Variants in DCUN1D4 observed in about 807,000 individuals in gnomAD.
The protein encoded by DCUN1D4 is DCN1-like protein 4.
In DCUN1D4, 22 loss-of-function variants were observed where a neutral mutation model predicts 47.9. The ratio of observed to expected loss-of-function variants is 0.46; its 90% CI spans 0.33 to 0.66. DCUN1D4 has a LOEUF of 0.66. Among genes scored for constraint, DCUN1D4 ranks in the 30% least tolerant of loss-of-function variants. The probability of loss-of-function intolerance (pLI) is 0.02; values close to 1 mark genes in which losing one functional copy is unlikely to be tolerated. For missense variants in DCUN1D4, 301 were observed against 340.8 expected, an observed-to-expected ratio of 0.88 and a Z score of 0.92; for synonymous variants, 121 against 112.2, an observed-to-expected ratio of 1.08 and a Z score of -0.50.
intron 3 of DCUN1D4, among the ~76,000 whole-genome samples, chr4:51,869,114 A>G (rs1726434793): frequency 8.6e-6 from 1 of 116,142 alleles, no homozygotes; most frequent in Non-Finnish European, 1.6e-5. Context: ...ACAGAGGGAG[A>G]CTCCATCTCA....
chr4:51,893,028 C>G (rs1262305383), intron 7 of DCUN1D4, among the ~76,000 whole-genome samples: 1 of 152,170 alleles, frequency 6.6e-6, no homozygotes, highest in African/African-American at 2.4e-5. Flanking sequence ...CACTATTCTC[C>G]CATTTGAATG....
chr4:51,844,407 C>G, intron 1 of DCUN1D4: 1 of 983,422 alleles, frequency 1.0e-6, no homozygotes. Flanking sequence ...GAGGTCAGCG[C>G]TGGCGCGGGC....
chr4:51,845,391 C>CT (rs1722377530), intron 1 of DCUN1D4: 6 of 596,558 alleles, frequency 1.0e-5, no homozygotes, highest in Non-Finnish European at 1.1e-5. Context: ...TAATATGTGA[C>CT]GTCTTCAATT....
intron 7 of DCUN1D4, among the ~76,000 whole-genome samples, chr4:51,894,877 T>C (rs1730992606): frequency 6.6e-6 from 1 of 152,186 alleles, no homozygotes; most frequent in Non-Finnish European, 1.5e-5. Context: ...GGGTGGCTTA[T>C]AAATAAAATT....
At chr4:51,905,352 C>G (rs1732719329) in intron 8 of DCUN1D4, 2 of 303,242 alleles carry the variant, frequency 6.6e-6, no homozygotes, top group East Asian at 8.2e-5. Context: ...ACATTGCTTT[C>G]CCTCCACAAA....
intron 1 of DCUN1D4, among the ~76,000 whole-genome samples, chr4:51,849,719 T>A (rs1473579386): frequency 6.6e-6 from 1 of 152,098 alleles, no homozygotes. Flanking sequence ...CACTCTTTAC[T>A]GCTGCTTTTT....
At chr4:51,859,623 G>C (rs1724705284) in intron 1 of DCUN1D4, among the ~76,000 whole-genome samples, 1 of 81,910 alleles carries the variant, frequency 1.2e-5, no homozygotes, top group African/African-American at 5.6e-5. Context: ...CACAGCAAAT[G>C]GTAGTTAAAA....
At chr4:51,841,414 C>G (rs1319971168), upstream of DCUN1D4, among the ~76,000 whole-genome samples, 3 of 152,110 alleles carry the variant, frequency 2.0e-5, no homozygotes, top group African/African-American at 4.8e-5. Context: ...TAGATCTGCC[C>G]AACAAGCAAT....
intron 7 of DCUN1D4, among the ~76,000 whole-genome samples, chr4:51,893,572 A>G (rs2110073666): frequency 6.6e-6 from 1 of 152,236 alleles, no homozygotes; most frequent in South Asian, 2.1e-4. Context: ...GATTACAAGC[A>G]GACACCGCCA....
Position 51,914,691 on chromosome 4 carries a change from A to C in DCUN1D4, c.*1107A>C, listed in dbSNP as rs1734151252. 1 of 152,504 alleles carries C rather than the reference A, an allele frequency of 6.6e-6. No homozygotes were observed. The highest frequency in any genetic ancestry group is 1.5e-5 in the Non-Finnish European group (1 of 68,016). The allele number at this position is 152,504 out of a possible 1,614,324, so 9.4% of individuals were successfully genotyped here. A position where few individuals can be genotyped will look rare whatever the true frequency, so the allele number is the denominator to read the frequency against. On this transcript the variant is annotated 3_prime_UTR_variant, in exon 11 of 11. Coordinates refer to ENST00000334635, the MANE Select transcript of DCUN1D4 (RefSeq NM_001040402.3). The stretch of plus-strand genomic sequence containing the variant: ...CACCAGCATTGAGCTAACCCAGTAC[A>C]TGCTAGGACCTGTCCTAGAGGGGCC...
At chr4:51,902,381 A>G (rs868190739) in intron 8 of DCUN1D4, among the ~76,000 whole-genome samples, 5 of 152,308 alleles carry the variant, frequency 3.3e-5, no homozygotes, top group Middle Eastern at 6.8e-3. Flanking sequence ...CTCCACCTGT[A>G]TGTCTTCTGT....
Position 51,877,747 on chromosome 4 carries a change from C to A in DCUN1D4, c.252-16C>A. ...AGTATCTTTAAATAACTTAAAACTGCCTTTTCAATTTCCAGCATGTATAGA... is the reference window on the plus strand; with the variant it reads ...AGTATCTTTAAATAACTTAAAACTGACTTTTCAATTTCCAGCATGTATAGA... On this transcript the variant is annotated splice_polypyrimidine_tract_variant and intron_variant, in intron 4 of 10. Transcript: ENST00000334635. 3 of 1,551,466 alleles carry A rather than the reference C, an allele frequency of 1.9e-6. No homozygotes were observed. The highest frequency in any genetic ancestry group is 1.4e-5 in the African/African-American group (1 of 73,006).
chr4:51,905,021 A>T (rs1292733956), intron 8 of DCUN1D4, among the ~76,000 whole-genome samples: 4 of 152,206 alleles, frequency 2.6e-5, no homozygotes, highest in African/African-American at 4.8e-5. Flanking sequence ...ACAACACCAG[A>T]AAATGATAAA....
chr4:51,912,648 AAG>A (rs1314235395), intron 9 of DCUN1D4, among the ~76,000 whole-genome samples: 1 of 152,214 alleles, frequency 6.6e-6, no homozygotes, highest in Non-Finnish European at 1.5e-5. Flanking sequence ...TTTCTCGTCT[AAG>A]AGGAATAGAA....
At chr4:51,838,862 G>A (rs1577786244), upstream of DCUN1D4, among the ~76,000 whole-genome samples, 1 of 152,164 alleles carries the variant, frequency 6.6e-6, no homozygotes, top group Non-Finnish European at 1.5e-5. Context: ...ATCACCTGAG[G>A]TCAGGAGTTT....
chr4:51,860,799 T>G, intron 1 of DCUN1D4: 1 of 314,236 alleles, frequency 3.2e-6, no homozygotes, highest in Non-Finnish European at 6.4e-6. Context: ...CCTCTGGCAC[T>G]GAGAATTACA....
intron 1 of DCUN1D4, among the ~76,000 whole-genome samples, chr4:51,857,311 A>G (rs1391208186): frequency 6.6e-6 from 1 of 152,176 alleles, no homozygotes; most frequent in Non-Finnish European, 1.5e-5. Flanking sequence ...GCCAGTGTCT[A>G]ACTTACGGCC....
intron 9 of DCUN1D4, 27 bp downstream of exon 9, chr4:51,911,201 T>C (rs1434435048): frequency 2.5e-6 from 4 of 1,579,496 alleles, no homozygotes; most frequent in Non-Finnish European, 1.7e-6. Flanking sequence ...TTATGAAATG[T>C]ATGTTTGCTT....
intron 1 of DCUN1D4, chr4:51,860,691 A>G (rs1463715948): frequency 2.2e-6 from 1 of 453,590 alleles, no homozygotes; most frequent in Admixed American, 2.4e-5. Context: ...ACACTTTTAA[A>G]TGACTGAACC....
Sources: allele counts gnomAD v4.1 joint callset (sites outside exome capture counted in the v4.1 genomes callset), GRCh38; gene constraint gnomAD v4.1.1; transcripts MANE v1.5; gene names NCBI Gene and HGNC (gene_info 2026-07-23, HGNC 2026-07-21).